The following SLCO3A1 variants were observed in gnomAD, a reference collection of about 807,000 sequenced individuals.
SLCO3A1 encodes the protein solute carrier organic anion transporter family member 3A1.
Under a neutral mutation model 63.1 loss-of-function variants are expected in SLCO3A1, and 27 were observed. The observed-to-expected ratio is 0.43, with a 90% confidence interval of 0.32 to 0.59. The LOEUF is 0.59. Among genes scored for constraint, SLCO3A1 ranks in the 20% least tolerant of loss-of-function variants. The pLI, the probability that SLCO3A1 is intolerant of heterozygous loss-of-function variation, is 0.09. For missense variants in SLCO3A1, 773 were observed against 945.8 expected, an observed-to-expected ratio of 0.82 and a Z score of 2.40; for synonymous variants, 473 against 409.9, an observed-to-expected ratio of 1.15 and a Z score of -1.86.
chr15:91,895,738 G>A (rs1269926832), intron 1 of SLCO3A1, among the ~76,000 whole-genome samples: 9 of 152,192 alleles, frequency 5.9e-5, no homozygotes, highest in Admixed American at 2.0e-4. Flanking sequence ...TGCACCAAGC[G>A]TGCACTCTAG....
intron 2 of SLCO3A1, among the ~76,000 whole-genome samples, chr15:92,064,277 A>G (rs543028106): frequency 5.6e-4 from 86 of 152,282 alleles, no homozygotes; most frequent in African/African-American, 2.0e-3. Flanking sequence ...ACTGTTTTTA[A>G]ATCCAATTAC....
chr15:91,938,677 G>C (rs1156976409), intron 2 of SLCO3A1, among the ~76,000 whole-genome samples: 1 of 152,188 alleles, frequency 6.6e-6, no homozygotes, highest in Non-Finnish European at 1.5e-5. Context: ...AGGCCAGAGA[G>C]ATTAACTTGC....
At position 92,010,215 on chromosome 15, in the gene SLCO3A1, T is replaced by C. The variant is rs117883493; in HGVS notation, c.647-84666T>C. Among the ~76,000 whole-genome samples, 740 of 152,348 alleles carry C rather than the reference T, an allele frequency of 4.9e-3. 3 individuals are homozygous for C. Among genetic ancestry groups the C allele is most frequent in the Non-Finnish European group, 8.4e-3 (569 of 68,032 alleles). On this transcript the variant is annotated intron_variant, in intron 2 of 9. Transcript: ENST00000318445. ...GACTGCAGAGTAGATACTCAGGTGA[T>C]CTATGTAACCTATTCAGTGTTTCTC...
At position 91,885,110 on chromosome 15, in the gene SLCO3A1, G is replaced by A. The variant is rs1390429542; in HGVS notation, c.181-30883G>A. ...TATAGGGACACAGAAAGGAGGTGAT[G>A]GGGGTGGTGCTGAGCCTGCCCGCCT... On this transcript the variant is annotated intron_variant, in intron 1 of 9. Coordinates refer to ENST00000318445, the MANE Select transcript of SLCO3A1 (RefSeq NM_013272.4). This position sits in a 1 kb window ranked among gnomAD's most constrained non-coding sequence, Gnocchi z 4.7. 6.6e-6 allele frequency among the ~76,000 whole-genome samples: 1 copy of A among 152,166 alleles called. No individual in the cohort carries two copies. Among genetic ancestry groups the A allele is most frequent in the Non-Finnish European group, 1.5e-5 (1 of 68,030 alleles).
In SLCO3A1 at chr15:92,024,117, C is replaced by G. The variant is rs576991946; in HGVS notation, c.647-70764C>G. 2.6e-5 allele frequency among the ~76,000 whole-genome samples: 4 copies of G among 152,298 alleles called. No homozygotes were observed. The South Asian group carries it at 8.3e-4, about 32-fold the overall frequency. ...TCCCTATTGTGGATTCACTAGGTTG[C>G]AAAACTGTGGACATAGCACAGACTT... On this transcript the variant is annotated intron_variant, in intron 2 of 9. Transcript: ENST00000318445.
intron 2 of SLCO3A1, among the ~76,000 whole-genome samples, chr15:92,074,178 TAA>T (rs1295676178): frequency 1.3e-5 from 2 of 152,068 alleles, no homozygotes; most frequent in African/African-American, 4.8e-5. Context: ...TCTGAAAAAA[TAA>T]AGAGAACCTA....
At chr15:92,097,298 G>T (rs570065816) in intron 3 of SLCO3A1, among the ~76,000 whole-genome samples, 21 of 152,144 alleles carry the variant, frequency 1.4e-4, no homozygotes, top group Non-Finnish European at 2.4e-4. Flanking sequence ...ATAAAACCCC[G>T]ATCTCCTGAG....
Position 91,867,908 on chromosome 15 carries a change from G to A in SLCO3A1, c.180+13820G>A, listed in dbSNP as rs550623272. On this transcript the variant is annotated intron_variant, in intron 1 of 9. Transcript: ENST00000318445. ...GTGAGTCAGGTCAGGAAGCATTTCT[G>A]CGCTGTTGCTCCAAGCCTGTGGCCG... Among the ~76,000 whole-genome samples, 6 of 152,318 alleles carry A rather than the reference G, an allele frequency of 3.9e-5. No individual in the cohort carries two copies. The South Asian group carries it at 1.0e-3, about 26-fold the overall frequency.
chr15:92,047,593 A>AT lies in SLCO3A1; in HGVS notation c.647-47288_647-47287insT, dbSNP rs1555427744. On this transcript the variant is annotated intron_variant, in intron 2 of 9. Coordinates refer to ENST00000318445, the MANE Select transcript of SLCO3A1 (RefSeq NM_013272.4). Reference sequence around the variant, plus strand: ...ATAAATATATATATAATATATATATAATATATAATATATATATAATATATA... The same window carrying AT: ...ATAAATATATATATAATATATATATATATATATAATATATATATAATATATA... Among the ~76,000 whole-genome samples the AT allele has an allele frequency of 3.2e-3, 20 of 6,266 alleles. 5 individuals are homozygous for AT. Among genetic ancestry groups the AT allele is most frequent in the East Asian group, 7.8e-3 (1 of 128 alleles). 4.1% of individuals were successfully genotyped at this position (6,266 alleles called of 152,430 possible).
At chr15:91,983,532 A>C (rs1463205664) in intron 2 of SLCO3A1, among the ~76,000 whole-genome samples, 2 of 152,198 alleles carry the variant, frequency 1.3e-5, no homozygotes, top group East Asian at 3.9e-4. Context: ...CAGATTGAGA[A>C]CTGAAATCCA....
chr15:91,938,824 A>G (rs1899510865), intron 2 of SLCO3A1, among the ~76,000 whole-genome samples: 1 of 152,142 alleles, frequency 6.6e-6, no homozygotes, highest in Non-Finnish European at 1.5e-5. Flanking sequence ...TGAGTTATGG[A>G]ACATGGTAAG....
At chr15:92,139,062 A>G (rs2048094286) in intron 7 of SLCO3A1, among the ~76,000 whole-genome samples, 1 of 147,154 alleles carries the variant, frequency 6.8e-6, no homozygotes, top group Non-Finnish European at 1.5e-5. Flanking sequence ...CCAGTTTTCA[A>G]AGGGCATGCT....
intron 2 of SLCO3A1, among the ~76,000 whole-genome samples, chr15:92,048,330 C>T (rs1383505088): frequency 6.6e-6 from 1 of 152,104 alleles, no homozygotes; most frequent in Non-Finnish European, 1.5e-5. Context: ...CCTCTCTCTC[C>T]TCTCCTGGGG....
At chr15:92,095,425 C>T (rs573340313) in intron 3 of SLCO3A1, among the ~76,000 whole-genome samples, 2 of 152,308 alleles carry the variant, frequency 1.3e-5, no homozygotes, top group South Asian at 2.1e-4. Flanking sequence ...AGTGTACAAA[C>T]GGGGTCAATG....
At chr15:92,056,043 GTGGTATTTTCT>G (rs1020885793) in intron 2 of SLCO3A1, among the ~76,000 whole-genome samples, 55 of 152,060 alleles carry the variant, frequency 3.6e-4, no homozygotes, top group African/African-American at 1.2e-3. Context: ...GCCAGTCTAG[GTGGTATTTTCT>G]CTGTTTTTCC....
intron 1 of SLCO3A1, among the ~76,000 whole-genome samples, chr15:91,870,398 A>C (rs1460457875): frequency 6.6e-6 from 1 of 152,174 alleles, no homozygotes; most frequent in Non-Finnish European, 1.5e-5. Context: ...GGCCAGCCTT[A>C]TTTTTCCTCC....
chr15:92,115,851 C>CAGATCCAT (rs2047789307), intron 4 of SLCO3A1, among the ~76,000 whole-genome samples: 1 of 144,588 alleles, frequency 6.9e-6, no homozygotes, highest in Non-Finnish European at 1.5e-5. Flanking sequence ...GACTAAGTCC[C>CAGATCCAT]AGATCCATGC....
intron 7 of SLCO3A1, among the ~76,000 whole-genome samples, chr15:92,133,417 A>C (rs893282754): frequency 1.4e-5 from 2 of 146,126 alleles, no homozygotes; most frequent in African/African-American, 5.0e-5. Context: ...GGGGTCCCCC[A>C]CATCTAGCAC....
chr15:91,869,476 C>T (rs1897241368), intron 1 of SLCO3A1, among the ~76,000 whole-genome samples: 1 of 149,512 alleles, frequency 6.7e-6, no homozygotes, highest in Admixed American at 6.7e-5. Context: ...GCAGAGGTTG[C>T]AATGAGCCAA....
Sources: allele counts gnomAD v4.1 joint callset (sites outside exome capture counted in the v4.1 genomes callset), GRCh38; gene constraint gnomAD v4.1.1; non-coding constraint Gnocchi (gnomAD v3.1); transcripts MANE v1.5; gene names NCBI Gene and HGNC (gene_info 2026-07-23, HGNC 2026-07-21).